The following WDR49 variants were observed in gnomAD, a reference collection of about 807,000 sequenced individuals.
The protein encoded by WDR49 is cilia- and flagella-associated protein 337.
Under a neutral mutation model 119.5 loss-of-function variants are expected in WDR49, and 107 were observed. That is an observed-to-expected ratio of 0.90 (90% confidence interval 0.77 to 1.05). The LOEUF (loss-of-function observed/expected upper bound fraction) is 1.05. Among genes scored for constraint, WDR49 ranks in the 50% least tolerant of loss-of-function variants. WDR49 has a pLI of 0.00. For synonymous variants in WDR49, 425 were observed against 418.8 expected, an observed-to-expected ratio of 1.01 and a Z score of -0.18; for missense variants, 1,240 against 1,220.5, an observed-to-expected ratio of 1.02 and a Z score of -0.24.
intron 2 of WDR49, among the ~76,000 whole-genome samples, chr3:167,633,045 C>T (rs934122850): frequency 6.6e-6 from 1 of 151,730 alleles, no homozygotes; most frequent in Non-Finnish European, 1.5e-5. Flanking sequence ...TAAATTGAGT[C>T]ATCATGTCAG....
chr3:167,529,244 C>G lies in WDR49; in HGVS notation c.2219-5G>C. 1 of 1,562,356 alleles carries G rather than the reference C, an allele frequency of 6.4e-7. No homozygotes were observed. The highest frequency in any genetic ancestry group is 8.6e-7 in the Non-Finnish European group (1 of 1,161,228). On this transcript the variant is annotated splice_region_variant and splice_polypyrimidine_tract_variant and intron_variant, in intron 13 of 18. Coordinates refer to ENST00000682715, the MANE Select transcript of WDR49 (RefSeq NM_001366157.1). ...ATGATACCAGGTTAGCTCCTCCTAACATGTAAGGGAAAAATCTAACTAGAA... is the reference window on the plus strand; with the variant it reads ...ATGATACCAGGTTAGCTCCTCCTAAGATGTAAGGGAAAAATCTAACTAGAA...
At chr3:167,571,490 A>AT (rs1467029887) in intron 8 of WDR49, among the ~76,000 whole-genome samples, 3 of 152,208 alleles carry the variant, frequency 2.0e-5, no homozygotes. Flanking sequence ...ATAAATATAA[A>AT]TGTATTTATC....
Position 167,620,565 on chromosome 3 carries a change from C to G in WDR49, c.822G>C (p.Leu274=). 6.5e-7 allele frequency: 1 copy of G among 1,535,134 alleles called. No individual in the cohort carries two copies. Among genetic ancestry groups the G allele is most frequent in the Non-Finnish European group, 8.7e-7 (1 of 1,146,324 alleles). ...AIAFTAALIS[L]FERPASACED... Reference sequence around the variant, plus strand: ...CACATGCACTAGCAGGCCGTTCAAACAGGGAAATCAAGGCTGCGGTGAAAG... The same window carrying G: ...CACATGCACTAGCAGGCCGTTCAAAGAGGGAAATCAAGGCTGCGGTGAAAG... The change falls in exon 5 of 19, where the codon CTG becomes CTC. Residue 274 remains leucine, a synonymous_variant. Coordinates refer to ENST00000682715, the MANE Select transcript of WDR49 (RefSeq NM_001366157.1).
At chr3:167,634,989 CTT>C (rs1229047968) in intron 2 of WDR49, among the ~76,000 whole-genome samples, 17 of 151,702 alleles carry the variant, frequency 1.1e-4, no homozygotes, top group Admixed American at 8.6e-4. Context: ...AGCTATGCCT[CTT>C]ATATATTGGT....
upstream of WDR49, among the ~76,000 whole-genome samples, chr3:167,656,923 C>T (rs1171498412): frequency 6.6e-6 from 1 of 152,146 alleles, no homozygotes; most frequent in Non-Finnish European, 1.5e-5. Flanking sequence ...GATCAGACAA[C>T]ACCTGCCAGC....
intron 18 of WDR49, among the ~76,000 whole-genome samples, chr3:167,480,190 A>G (rs1423045152): frequency 6.8e-6 from 1 of 146,264 alleles, no homozygotes; most frequent in Non-Finnish European, 1.5e-5. Flanking sequence ...CAGAGTTTGC[A>G]GTGAGCCGAG....
intron 16 of WDR49, among the ~76,000 whole-genome samples, chr3:167,517,148 T>C (rs1752244061): frequency 6.6e-6 from 1 of 151,950 alleles, no homozygotes. Flanking sequence ...TTGACATTCT[T>C]GACAGAATTA....
intron 16 of WDR49, among the ~76,000 whole-genome samples, chr3:167,518,600 A>G (rs2108228323): frequency 6.6e-6 from 1 of 151,580 alleles, no homozygotes; most frequent in East Asian, 2.0e-4. Flanking sequence ...TTTCTTGTAA[A>G]TTTGTTTGAG....
chr3:167,586,915 A>C (rs917275885), intron 7 of WDR49, among the ~76,000 whole-genome samples: 3 of 152,180 alleles, frequency 2.0e-5, no homozygotes, highest in African/African-American at 7.2e-5. Context: ...TACGTTATAA[A>C]ACCTCTCGGG....
chr3:167,520,791 G>A (rs1206444450), intron 16 of WDR49, among the ~76,000 whole-genome samples: 1 of 152,038 alleles, frequency 6.6e-6, no homozygotes, highest in African/African-American at 2.4e-5. Flanking sequence ...TTGCCAAGAA[G>A]GTAGCTCCAA....
intron 16 of WDR49, among the ~76,000 whole-genome samples, chr3:167,514,030 C>T (rs539600174): frequency 4.3e-4 from 66 of 152,274 alleles, no homozygotes; most frequent in African/African-American, 1.4e-3. Flanking sequence ...TAACACCCAA[C>T]TGTCAATATT....
chr3:167,655,184 C>T (rs192894067), upstream of WDR49, among the ~76,000 whole-genome samples: 775 of 152,186 alleles, frequency 5.1e-3, 3 homozygotes, highest in Middle Eastern at 6.8e-3. Context: ...AGGGTAACTC[C>T]CATTTATAAA....
chr3:167,584,246 G>C (rs1231936615), intron 7 of WDR49, among the ~76,000 whole-genome samples: 2 of 151,896 alleles, frequency 1.3e-5, no homozygotes, highest in Non-Finnish European at 2.9e-5. Context: ...CTAAAATATG[G>C]AGAAAAAAAA....
chr3:167,506,106 A>T (rs1751758918), intron 16 of WDR49, among the ~76,000 whole-genome samples: 1 of 152,206 alleles, frequency 6.6e-6, no homozygotes, highest in Non-Finnish European at 1.5e-5. Context: ...AAACACATCC[A>T]TCGTCTCAAA....
In WDR49 at chr3:167,583,003, AAGAG is replaced by A. The variant is rs1304329356; in HGVS notation, c.1276-6856_1276-6853del. On this transcript the variant is annotated intron_variant, in intron 7 of 18. Coordinates refer to ENST00000682715, the MANE Select transcript of WDR49 (RefSeq NM_001366157.1). ...ACACACACACACAGATAGAGAGAGA[AAGAG>A]AGAGAGAGAGAAAAACAAATTTGCA... 2.1e-4 allele frequency among the ~76,000 whole-genome samples: 32 copies of A among 150,880 alleles called. No homozygotes were observed. In the South Asian group the frequency reaches 5.2e-3, roughly 25 times the overall value.
chr3:167,538,928 C>A (rs1219190516), intron 10 of WDR49, among the ~76,000 whole-genome samples: 1 of 152,100 alleles, frequency 6.6e-6, no homozygotes, highest in Non-Finnish European at 1.5e-5. Flanking sequence ...TGATAAAATT[C>A]AAATGTGGAG....
chr3:167,586,320 A>G (rs1170946678), intron 7 of WDR49, among the ~76,000 whole-genome samples: 1 of 152,184 alleles, frequency 6.6e-6, no homozygotes, highest in Non-Finnish European at 1.5e-5. Flanking sequence ...CCAAATGACT[A>G]AGTTACTTGC....
At chr3:167,508,595 C>G (rs887701907) in intron 16 of WDR49, among the ~76,000 whole-genome samples, 1 of 152,086 alleles carries the variant, frequency 6.6e-6, no homozygotes, top group Non-Finnish European at 1.5e-5. Flanking sequence ...AGTTCTAACA[C>G]CCCCCTACAG....
intron 2 of WDR49, 68 bp from the exon 3 acceptor site, chr3:167,627,360 G>A (rs1352392875): frequency 2.1e-5 from 25 of 1,196,504 alleles, no homozygotes; most frequent in Non-Finnish European, 2.5e-5. Context: ...AGAGAACTGT[G>A]CTACCCACAA....
Sources: allele counts gnomAD v4.1 joint callset (sites outside exome capture counted in the v4.1 genomes callset), GRCh38; gene constraint gnomAD v4.1.1; transcripts MANE v1.5; gene names NCBI Gene and HGNC (gene_info 2026-07-23, HGNC 2026-07-21).